Variants in ADAMTS17 observed in about 807,000 individuals in gnomAD.
ADAMTS17 encodes the protein ADAM metallopeptidase with thrombospondin type 1 motif 17.
A neutral mutation model predicts 141.5 loss-of-function variants in ADAMTS17; 113 were observed. The observed-to-expected ratio is 0.80, with a 90% CI of 0.69 to 0.93. ADAMTS17 has a LOEUF of 0.93. Ranked by LOEUF, ADAMTS17 falls within the 40% of genes least tolerant of loss-of-function variation. The probability of loss-of-function intolerance (pLI) is 0.00; values close to 1 mark genes in which losing one functional copy is unlikely to be tolerated. For missense variants in ADAMTS17, 1,659 were observed against 1,517.9 expected (o/e 1.09, Z -1.54); for synonymous variants, 768 against 630.6 (o/e 1.22, Z -3.27).
intron 3 of ADAMTS17, among the ~76,000 whole-genome samples, chr15:100,325,077 T>G (rs1447702244): frequency 6.6e-6 from 1 of 152,198 alleles, no homozygotes; most frequent in Non-Finnish European, 1.5e-5. Context: ...TTTTTACCTT[T>G]TAGACATTTA....
In ADAMTS17 at chr15:100,222,868, G is replaced by T. The variant is rs536622163; in HGVS notation, c.1076-23445C>A. ...ACGGACCAGGCAGGAAGCCTAAGGG[G>T]GAGGCAGGCACCCTTCCAATGGTCT... is the stretch of plus-strand genomic sequence containing the variant. On this transcript the variant is annotated intron_variant, in intron 7 of 21. Transcript: ENST00000268070. Among the ~76,000 whole-genome samples, 29 of 152,332 alleles carry T rather than the reference G, an allele frequency of 1.9e-4. No homozygotes were observed. The East Asian group carries it at 4.4e-3, about 23-fold the overall frequency.
chr15:100,186,734 C>A (rs767458603), intron 8 of ADAMTS17, among the ~76,000 whole-genome samples: 1 of 152,202 alleles, frequency 6.6e-6, no homozygotes. Context: ...ATCAGGAGGG[C>A]TGAGAGTTTT....
chr15:100,243,727 T>C (rs932583186), intron 7 of ADAMTS17, among the ~76,000 whole-genome samples: 4 of 146,548 alleles, frequency 2.7e-5, no homozygotes, highest in Non-Finnish European at 6.0e-5. Flanking sequence ...GAGGCAGAGG[T>C]TGTAGTGAGC....
In ADAMTS17 at chr15:100,048,868, G is replaced by C. The variant is rs762293342; in HGVS notation, c.2580C>G (p.Pro860=). ...ACCCAGCTTCTTACCGTGACTGGCAGGGGTGCAAGTTGCACCTTCGGACCT... is the reference window on the plus strand; with the variant it reads ...ACCCAGCTTCTTACCGTGACTGGCACGGGTGCAAGTTGCACCTTCGGACCT... ...EPQVRRCNLH[P]CQSRWVAGPW... The change falls in exon 18 of 22, where the codon CCC becomes CCG. Residue 860 remains proline (P), a synonymous_variant. Coordinates refer to ENST00000268070, the MANE Select transcript of ADAMTS17 (RefSeq NM_139057.4). 8.7e-6 allele frequency: 14 copies of C among 1,614,070 alleles called. No homozygotes were observed. The highest frequency in any genetic ancestry group is 1.2e-5 in the Non-Finnish European group (14 of 1,180,046).
At position 99,973,684 on chromosome 15, in the gene ADAMTS17, T is replaced by C. The variant is rs2060258004; in HGVS notation, c.*718A>G. 6.5e-6 allele frequency: 1 copy of C among 154,370 alleles called. No homozygotes were observed. Among genetic ancestry groups the C allele is most frequent in the African/African-American group, 2.4e-5 (1 of 41,438 alleles). The allele number at this position is 154,370 out of a possible 1,614,324, so 9.6% of individuals were successfully genotyped here. A position where few individuals can be genotyped will look rare whatever the true frequency, so the allele number is the denominator to read the frequency against. On this transcript the variant is annotated 3_prime_UTR_variant, in exon 22 of 22. Transcript: ENST00000268070. ...CGGTGGACAGCAGAGCTCTGAAAAT[T>C]AGATGCTTCCCCAAACCCAGACTCT...
chr15:100,172,415 A>G (rs990541868), intron 8 of ADAMTS17, among the ~76,000 whole-genome samples: 1 of 152,178 alleles, frequency 6.6e-6, no homozygotes, highest in Non-Finnish European at 1.5e-5. Context: ...ACTTCCTCAT[A>G]GTTTCAGTAA....
At chr15:100,257,497 A>C (rs1390243303) in intron 6 of ADAMTS17, among the ~76,000 whole-genome samples, 1 of 152,244 alleles carries the variant, frequency 6.6e-6, no homozygotes, top group African/African-American at 2.4e-5. Flanking sequence ...TGTAGCTTCA[A>C]GGCGTCAGCC....
intron 18 of ADAMTS17, among the ~76,000 whole-genome samples, chr15:100,010,565 C>T (rs2061144430): frequency 6.6e-6 from 1 of 152,192 alleles, no homozygotes; most frequent in South Asian, 2.1e-4. Context: ...GGCCATGCTC[C>T]CAGGCCCTTC....
At chr15:100,258,437 T>C (rs1483955561) in intron 6 of ADAMTS17, among the ~76,000 whole-genome samples, 5 of 152,216 alleles carry the variant, frequency 3.3e-5, no homozygotes, top group African/African-American at 1.2e-4. Flanking sequence ...AAAGACATAC[T>C]CAAGACTGGG....
rs114485124 is a variant in ADAMTS17 at position 100,165,202 on chromosome 15, C to T, written c.1182-9882G>A. Among the ~76,000 whole-genome samples the T allele has an allele frequency of 9.3e-3, 1,418 of 152,288 alleles. 25 individuals are homozygous for T. The highest frequency in any genetic ancestry group is 0.032 in the African/African-American group (1,332 of 41,536). On this transcript the variant is annotated intron_variant, in intron 8 of 21. Transcript: ENST00000268070. ...CAGCTCCTGCCACTCTGATCTTGCT[C>T]CCACTTGACAAAGACAGTCCTTAGG... is the stretch of plus-strand genomic sequence containing the variant.
intron 20 of ADAMTS17, among the ~76,000 whole-genome samples, chr15:99,989,799 GC>G (rs2060656272): frequency 6.6e-6 from 1 of 152,202 alleles, no homozygotes; most frequent in Non-Finnish European, 1.5e-5. Flanking sequence ...TGGGGACTGT[GC>G]CCCAGAACCG....
intron 4 of ADAMTS17, among the ~76,000 whole-genome samples, chr15:100,273,325 G>A (rs994985821): frequency 2.6e-5 from 4 of 152,102 alleles, no homozygotes; most frequent in East Asian, 1.9e-4. Context: ...AAGTCATAAT[G>A]TCCAGGGCTA....
At chr15:100,029,430 T>C (rs1450698222) in intron 18 of ADAMTS17, among the ~76,000 whole-genome samples, 1 of 151,992 alleles carries the variant, frequency 6.6e-6, no homozygotes, top group Non-Finnish European at 1.5e-5. Flanking sequence ...GGGTGATGAG[T>C]CCTTTCATTC....
intron 2 of ADAMTS17, among the ~76,000 whole-genome samples, chr15:100,332,936 C>A (rs1395079109): frequency 6.6e-6 from 1 of 152,160 alleles, no homozygotes; most frequent in Non-Finnish European, 1.5e-5. Flanking sequence ...ACCCTGGGAA[C>A]CTGCGTGAGG....
Position 100,261,836 on chromosome 15 carries a change from G to GAC in ADAMTS17, c.874-201_874-200insGT, listed in dbSNP as rs2043529832. Among the ~76,000 whole-genome samples the GAC allele has an allele frequency of 3.9e-5, 6 of 152,110 alleles. No homozygotes were observed. In the South Asian group the frequency reaches 8.4e-4, roughly 21 times the overall value. On this transcript the variant is annotated intron_variant, in intron 5 of 21. Coordinates refer to ENST00000268070, the MANE Select transcript of ADAMTS17 (RefSeq NM_139057.4). Reference sequence around the variant, plus strand: ...AGACCATCAGGGGCCTTACATATAGGTGCAAGTGAAGACTATGCTGTTTTT... The same window carrying GAC: ...AGACCATCAGGGGCCTTACATATAGGACTGCAAGTGAAGACTATGCTGTTTTT...
At chr15:100,127,313 G>C (rs976107692) in intron 12 of ADAMTS17, among the ~76,000 whole-genome samples, 2 of 152,158 alleles carry the variant, frequency 1.3e-5, no homozygotes, top group Non-Finnish European at 2.9e-5. Flanking sequence ...TCTTCCAAGG[G>C]AAGAAAAGGT....
chr15:100,075,051 T>C (rs1217032121), intron 15 of ADAMTS17, among the ~76,000 whole-genome samples: 1 of 152,194 alleles, frequency 6.6e-6, no homozygotes. Flanking sequence ...TTTTATTTAA[T>C]GTTCTTCCAT....
chr15:100,326,908 G>A (rs944710781), intron 3 of ADAMTS17, among the ~76,000 whole-genome samples: 2 of 152,218 alleles, frequency 1.3e-5, no homozygotes, highest in Admixed American at 6.5e-5. Context: ...GAGAAGTGAA[G>A]CTTGGGTAAG....
At chr15:100,256,161 AC>A (rs1265005047) in intron 6 of ADAMTS17, among the ~76,000 whole-genome samples, 1 of 152,066 alleles carries the variant, frequency 6.6e-6, no homozygotes, top group Non-Finnish European at 1.5e-5. Context: ...CTCATGACAA[AC>A]CCCCAGGCAG....
Sources: gnomAD v4.1 joint callset for allele counts (sites outside exome capture counted in the v4.1 genomes callset) on GRCh38, gnomAD v4.1.1 for gene constraint, MANE v1.5 for transcripts, NCBI Gene and HGNC (gene_info 2026-07-23, HGNC 2026-07-21) for gene names.